The following CPB2 variants were observed in gnomAD, a reference collection of about 807,000 sequenced individuals.
CPB2 encodes the protein carboxypeptidase B-like protein.
Under a neutral mutation model 57.0 loss-of-function variants are expected in CPB2, and 54 were observed. The ratio of observed to expected loss-of-function variants is 0.95; its 90% CI spans 0.76 to 1.19. CPB2 has a LOEUF of 1.19. Among genes scored for constraint, CPB2 ranks in the 50% most tolerant of loss-of-function variants. CPB2 has a pLI of 0.00. For missense variants in CPB2, 426 were observed against 512.0 expected (o/e 0.83, Z 1.62); for synonymous variants, 189 against 178.1 (o/e 1.06, Z -0.49).
In CPB2 at chr13:46,064,680, AG is replaced by A; in HGVS notation, c.763del (p.Leu255Ter). The A allele has an allele frequency of 6.2e-7, 1 of 1,614,172 alleles. No individual in the cohort carries two copies. The highest frequency in any genetic ancestry group is 8.5e-7 in the Non-Finnish European group (1 of 1,179,996). On this transcript the variant is annotated frameshift_variant, in exon 8 of 11. Transcript: ENST00000181383. LOFTEE classifies it high-confidence loss of function. ...YANNHCIGTD[L>X]NRNFASKHWC... ...GTGTTTGGAAGCAAAGTTCCTATTC[AG>A]GTCTGTTCCGATGCAATGATTGTTC... is the stretch of plus-strand genomic sequence containing the variant.
Position 46,078,876 on chromosome 13 carries a change from G to C in CPB2, c.410C>G (p.Thr137Ser), listed in dbSNP as rs778235571. Residue 137 changes from threonine to serine, a missense_variant, in exon 5 of 11, where the codon ACT becomes AGT. Transcript: ENST00000181383. ...NEIYSWIEFI[T>S]ERHPDMLTKI... ...TGTAAGCATATCAGGATGCCTCTCAGTTATAAATTCTATCCAAGAATAGAT... is the reference window on the plus strand; with the variant it reads ...TGTAAGCATATCAGGATGCCTCTCACTTATAAATTCTATCCAAGAATAGAT... 2 of 1,610,380 alleles carry C rather than the reference G, an allele frequency of 1.2e-6. No homozygotes were observed. Among genetic ancestry groups the C allele is most frequent in the East Asian group, 4.5e-5 (2 of 44,844 alleles).
intron 9 of CPB2, among the ~76,000 whole-genome samples, chr13:46,056,535 C>T (rs2044699761): frequency 6.6e-6 from 1 of 152,180 alleles, no homozygotes; most frequent in Non-Finnish European, 1.5e-5. Flanking sequence ...AGAGATTTAT[C>T]AGCGGATATT....
At position 46,067,436 on chromosome 13, in the gene CPB2, A is replaced by T; in HGVS notation, c.592-19T>A. 8.7e-7 allele frequency: 1 copy of T among 1,146,992 alleles called. No homozygotes were observed. Among genetic ancestry groups the T allele is most frequent in the South Asian group, 1.3e-5 (1 of 77,764 alleles). 71.1% of individuals were successfully genotyped at this position (1,146,992 alleles called of 1,614,324 possible). A position where few individuals can be genotyped will look rare whatever the true frequency, so the allele number is the denominator to read the frequency against. On this transcript the variant is annotated intron_variant, in intron 6 of 10. Coordinates refer to ENST00000181383, the MANE Select transcript of CPB2 (RefSeq NM_001872.5). ...GAGTTATCTGCAAATTAAACCAAGTATATTTAATTAGATGTTTTAAGTTCT... is the reference window on the plus strand; with the variant it reads ...GAGTTATCTGCAAATTAAACCAAGTTTATTTAATTAGATGTTTTAAGTTCT...
intron 2 of CPB2, among the ~76,000 whole-genome samples, chr13:46,084,916 T>A (rs2139398042): frequency 6.6e-6 from 1 of 152,006 alleles, no homozygotes; most frequent in African/African-American, 2.4e-5. Flanking sequence ...AGTGGCGCGA[T>A]CTTGGCTCAC....
At chr13:46,104,375 A>G (rs2045469749) in intron 1 of CPB2, among the ~76,000 whole-genome samples, 1 of 152,270 alleles carries the variant, frequency 6.6e-6, no homozygotes, top group Non-Finnish European at 1.5e-5. Context: ...TATAGCATGA[A>G]TTCATTTGTG....
At chr13:46,098,044 T>G (rs1340165520) in intron 1 of CPB2, among the ~76,000 whole-genome samples, 1 of 152,176 alleles carries the variant, frequency 6.6e-6, no homozygotes, top group Non-Finnish European at 1.5e-5. Flanking sequence ...AGAAGGACAT[T>G]GAGGGCTGCA....
At chr13:46,081,317 CA>C (rs1330022435) in intron 4 of CPB2, among the ~76,000 whole-genome samples, 1 of 152,124 alleles carries the variant, frequency 6.6e-6, no homozygotes, top group African/African-American at 2.4e-5. Flanking sequence ...CTGTTTATGG[CA>C]TTCCCCTCTC....
intron 5 of CPB2, among the ~76,000 whole-genome samples, chr13:46,076,746 C>A (rs1391165218): frequency 6.6e-6 from 1 of 152,024 alleles, no homozygotes; most frequent in Non-Finnish European, 1.5e-5. Flanking sequence ...GACACATGGA[C>A]CAATGGATTA....
Position 46,073,990 on chromosome 13 carries a change from A to G in CPB2, c.487-13T>C. ...CTTTTCCAGAAACCTGCTCAAAGAAACCCCAAAAGTAGCAAAAACAGTAAC... is the reference window on the plus strand; with the variant it reads ...CTTTTCCAGAAACCTGCTCAAAGAAGCCCCAAAAGTAGCAAAAACAGTAAC... On this transcript the variant is annotated splice_polypyrimidine_tract_variant and intron_variant, in intron 5 of 10. Coordinates refer to ENST00000181383, the MANE Select transcript of CPB2 (RefSeq NM_001872.5). 1 of 1,536,316 alleles carries G rather than the reference A, an allele frequency of 6.5e-7. No individual in the cohort carries two copies. Among genetic ancestry groups the G allele is most frequent in the Non-Finnish European group, 9.0e-7 (1 of 1,116,916 alleles).
intron 4 of CPB2, among the ~76,000 whole-genome samples, chr13:46,080,325 C>T (rs368404250): frequency 1.6e-4 from 24 of 152,194 alleles, no homozygotes; most frequent in South Asian, 1.5e-3. Context: ...AAGAGACCAC[C>T]GATCAAAGGG....
Position 46,084,453 on chromosome 13 carries a change from C to T in CPB2, c.151-110G>A, listed in dbSNP as rs1425713514. The T allele has an allele frequency of 2.6e-6, 3 of 1,138,170 alleles. No individual in the cohort carries two copies. In the African/African-American group the frequency reaches 4.7e-5, roughly 18 times the overall value. 70.5% of individuals were successfully genotyped at this position (1,138,170 alleles called of 1,614,324 possible). On this transcript the variant is annotated intron_variant, in intron 2 of 10. Coordinates refer to ENST00000181383, the MANE Select transcript of CPB2 (RefSeq NM_001872.5). ...ATCTATAAGGAGTATGAAAAGGACA[C>T]TCCCTGGTGCTGGTCCCCATCCACA...
In CPB2 at chr13:46,058,280, T is replaced by C. The variant is rs564181491; in HGVS notation, c.898A>G (p.Ile300Val). Residue 300 changes from isoleucine (I) to valine (V), a missense_variant, in exon 9 of 11, where the codon ATC (isoleucine) becomes GTC (valine). Physicochemically the swap from Ile to Val is conservative, Grantham distance 29 (BLOSUM62 3). Coordinates refer to ENST00000181383, the MANE Select transcript of CPB2 (RefSeq NM_001872.5). ...CTGATGTATGCTTTAATCTGGTTGA[T>C]ATTTCTTCTCAAGAAACTAGCCACT... is the stretch of plus-strand genomic sequence containing the variant. ...KAVASFLRRNINQIKAYISMH... is the reference protein window; with the variant it reads ...KAVASFLRRNVNQIKAYISMH... 3 of 1,614,144 alleles carry C rather than the reference T, an allele frequency of 1.9e-6. No individual in the cohort carries two copies. The highest frequency in any genetic ancestry group is 1.3e-5 in the African/African-American group (1 of 75,070).
Position 46,055,743 on chromosome 13 carries a change from C to A in CPB2, c.1087+19G>T. On this transcript the variant is annotated intron_variant, in intron 10 of 10. Coordinates refer to ENST00000181383, the MANE Select transcript of CPB2 (RefSeq NM_001872.5). ...TTAGTAGCTCAAAGTTCTCTAAGAT[C>A]ATAAGAAGAAATACTTACATAAGGT... 2 of 1,448,502 alleles carry A rather than the reference C, an allele frequency of 1.4e-6. No individual in the cohort carries two copies. The highest frequency in any genetic ancestry group is 1.9e-6 in the Non-Finnish European group (2 of 1,045,568). The allele number at this position is 1,448,502 out of a possible 1,614,324, so 89.7% of individuals were successfully genotyped here. A position where few individuals can be genotyped will look rare whatever the true frequency, so the allele number is the denominator to read the frequency against.
At chr13:46,082,937 A>C (rs1244623835) in intron 3 of CPB2, among the ~76,000 whole-genome samples, 2 of 152,090 alleles carry the variant, frequency 1.3e-5, no homozygotes, top group African/African-American at 4.8e-5. Context: ...GAGGAAGAAG[A>C]AGCAGAAAAG....
At chr13:46,100,282 G>A (rs2045418030) in intron 1 of CPB2, 1 of 152,174 alleles carries the variant, frequency 6.6e-6, no homozygotes, top group South Asian at 2.1e-4. Context: ...TTATTGATAT[G>A]TCCAAGTTCA....
chr13:46,098,648 A>C (rs1187963512), intron 1 of CPB2: 2 of 152,308 alleles, frequency 1.3e-5, no homozygotes, highest in Non-Finnish European at 2.9e-5. Context: ...TGTGCTGCCC[A>C]ACATGATGCC....
chr13:46,093,016 G>A (rs762417489), intron 1 of CPB2, among the ~76,000 whole-genome samples: 3 of 152,126 alleles, frequency 2.0e-5, no homozygotes, highest in Non-Finnish European at 4.4e-5. Flanking sequence ...GGGTTCAAGC[G>A]ATTCTCCTGC....
intron 6 of CPB2, 48 bp from the exon 7 acceptor site, chr13:46,067,465 A>G: frequency 1.1e-6 from 1 of 915,146 alleles, no homozygotes; most frequent in South Asian, 1.4e-5. Flanking sequence ...AAGTTCTTCT[A>G]AACTTAGTGT....
intron 7 of CPB2, among the ~76,000 whole-genome samples, chr13:46,065,435 G>A (rs2044838634): frequency 1.3e-5 from 2 of 151,940 alleles, no homozygotes; most frequent in African/African-American, 2.4e-5. Context: ...GACCATTCTG[G>A]CTAACACGGT....
Sources: allele counts gnomAD v4.1 joint callset (sites outside exome capture counted in the v4.1 genomes callset), GRCh38; gene constraint gnomAD v4.1.1; transcripts MANE v1.5; gene names NCBI Gene and HGNC (gene_info 2026-07-23, HGNC 2026-07-21).